The following ELFN2 variants were observed in gnomAD, a reference collection of about 807,000 sequenced individuals.
ELFN2 encodes extracellular leucine rich repeat and fibronectin type III domain containing 2, also known as protein phosphatase 1 regulatory subunit 29.
ELFN2 carries 17 observed loss-of-function variants against 45.5 expected under a neutral mutation model. That is an observed-to-expected ratio of 0.37 (90% CI 0.26 to 0.56). ELFN2 has a LOEUF of 0.56. Among genes scored for constraint, ELFN2 ranks in the 20% least tolerant of loss-of-function variants. The probability of loss-of-function intolerance (pLI) is 0.77; values close to 1 mark genes in which losing one functional copy is unlikely to be tolerated. For missense variants in ELFN2, 922 were observed against 1,183.2 expected (o/e 0.78, Z 3.24); for synonymous variants, 550 against 551.5 (o/e 1.00, Z 0.04).
intron 1 of ELFN2, chr22:37,419,078 A>G (rs1340387133): frequency 2.0e-5 from 3 of 149,534 alleles, no homozygotes; most frequent in African/African-American, 7.4e-5. Context: ...CGGCATTGCC[A>G]TTCACAAACA....
chr22:37,343,094 G>C (rs954651319), intron 1 of ELFN2, among the ~76,000 whole-genome samples: 6 of 152,144 alleles, frequency 3.9e-5, no homozygotes, highest in Admixed American at 6.5e-5. Context: ...ATTTCACAGA[G>C]AGACTGAGGC....
chr22:37,361,098 G>A (rs1397802677), intron 1 of ELFN2, among the ~76,000 whole-genome samples: 2 of 152,152 alleles, frequency 1.3e-5, no homozygotes, highest in Non-Finnish European at 2.9e-5. Context: ...GCTCCCCAGA[G>A]ACAGAGGTGC....
Position 37,421,333 on chromosome 22 carries a change from C to T in ELFN2, c.-613-3414G>A, listed in dbSNP as rs545710953. ...AAACAAGATAACAGAGAGCGCCTTG[C>T]CCGATGCCTGGCACATAGCAGGTGC... On this transcript the variant is annotated intron_variant, in intron 1 of 2. Transcript: ENST00000402918. 2.0e-5 allele frequency among the ~76,000 whole-genome samples: 3 copies of T among 152,340 alleles called. No homozygotes were observed. The East Asian group carries it at 5.8e-4, about 29-fold the overall frequency.
rs559440222 is a variant in ELFN2 at position 37,350,659 on chromosome 22, G to A, written n.149-7956C>T. On this transcript the variant is annotated intron_variant and non_coding_transcript_variant, in intron 1 of 2. Coordinates refer to ENST00000452946, the Ensembl canonical transcript of ELFN2. ...CAGAGCCCCCAGTACTGTCATTAGC[G>A]CTGATTACTCCCATCAGCACCCCAG... Among the ~76,000 whole-genome samples, 50 of 150,748 alleles carry A rather than the reference G, an allele frequency of 3.3e-4. No homozygotes were observed. The East Asian group carries it at 6.8e-3, about 20-fold the overall frequency.
intron 2 of ELFN2, among the ~76,000 whole-genome samples, chr22:37,407,346 C>T (rs541802361): frequency 2.0e-5 from 3 of 152,284 alleles, no homozygotes; most frequent in African/African-American, 4.8e-5. Context: ...TCAACAAATG[C>T]TTGTTGAACA....
chr22:37,377,178 T>C (rs1171012975), intron 2 of ELFN2, among the ~76,000 whole-genome samples: 1 of 152,226 alleles, frequency 6.6e-6, no homozygotes, highest in Admixed American at 6.5e-5. Context: ...GCAGACCATC[T>C]GCATCAACCC....
intron 1 of ELFN2, among the ~76,000 whole-genome samples, chr22:37,419,529 G>A (rs1301700840): frequency 6.6e-6 from 1 of 151,874 alleles, no homozygotes; most frequent in Non-Finnish European, 1.5e-5. Context: ...CAACACGCAG[G>A]CCCACGCTGG....
Position 37,348,990 on chromosome 22 carries a change from G to A in ELFN2, n.149-6287C>T, listed in dbSNP as rs140554786. ...CCCACAGGCTGGTTTCCCATCTGCT[G>A]AGCGTTTAGTGCATGCTGGGCGCTT... On this transcript the variant is annotated intron_variant and non_coding_transcript_variant, in intron 1 of 2. Transcript: ENST00000452946. Among the ~76,000 whole-genome samples the A allele has an allele frequency of 1.9e-4, 28 of 151,240 alleles. No individual in the cohort carries two copies. In the East Asian group the frequency reaches 5.4e-3, roughly 29 times the overall value.
chr22:37,352,318 G>A (rs1391565694), intron 1 of ELFN2: 2 of 151,066 alleles, frequency 1.3e-5, no homozygotes, highest in African/African-American at 4.8e-5. Context: ...AATCCCAGAG[G>A]TGACTCCAGC....
chr22:37,401,066 T>A (rs895930002), intron 2 of ELFN2, among the ~76,000 whole-genome samples: 8 of 152,132 alleles, frequency 5.3e-5, no homozygotes, highest in Admixed American at 1.3e-4. Context: ...AGGGAGTCAG[T>A]CAAACAGGGT....
At chr22:37,361,057 T>C (rs1285097441) in intron 1 of ELFN2, among the ~76,000 whole-genome samples, 1 of 152,116 alleles carries the variant, frequency 6.6e-6, no homozygotes, top group Non-Finnish European at 1.5e-5. Flanking sequence ...AGGACCGTTA[T>C]AAACAGCTAA....
At position 37,373,215 on chromosome 22, in the gene ELFN2, G is replaced by A. The variant is rs369540331; in HGVS notation, c.2320C>T (p.Arg774Trp). 10 of 1,613,684 alleles carry A rather than the reference G, an allele frequency of 6.2e-6. No homozygotes were observed. Among genetic ancestry groups the A allele is most frequent in the East Asian group, 2.2e-5 (1 of 44,896 alleles). Residue 774 changes from arginine (R) to tryptophan (W), a missense_variant, in exon 3 of 3, where the codon CGG (arginine) becomes TGG (tryptophan). Arg to Trp is a moderately radical substitution (Grantham distance 101). Around this residue, in one of 2 missense-constraint regions of ELFN2, gnomAD observed 564 missense variants for 642.8 expected, o/e 0.88. Coordinates refer to ENST00000402918, the MANE Select transcript of ELFN2 (RefSeq NM_052906.5). ...TCCCGGTGGTGCTTCTTGTAGGGCC[G>A]GAAGCGCTCCCAGATCTTGTGCGTG... ...ESTHKIWERF[R>W]PYKKHHREEV...
Position 37,375,073 on chromosome 22 carries a change from G to A in ELFN2, c.462C>T (p.Ile154=). 6.2e-7 allele frequency: 1 copy of A among 1,613,694 alleles called. No individual in the cohort carries two copies. Among genetic ancestry groups the A allele is most frequent in the East Asian group, 2.2e-5 (1 of 44,872 alleles). The change falls in exon 3 of 3, where the codon ATC becomes ATT. Residue 154 remains isoleucine (I), a synonymous_variant. Coordinates refer to ENST00000402918, the MANE Select transcript of ELFN2 (RefSeq NM_052906.5). ...GGCGGTTGGAGGACAGGTCGATGCT[G>A]ATGAGGCTCGGGCACTCGGAGAAGG... The part of the protein sequence containing the change: ...PTAFSECPSL[I]SIDLSSNRLS...
intron 2 of ELFN2, among the ~76,000 whole-genome samples, chr22:37,342,295 C>G (rs1930576425): frequency 6.6e-6 from 1 of 152,196 alleles, no homozygotes; most frequent in Non-Finnish European, 1.5e-5. Flanking sequence ...AGCATTTCAG[C>G]CCTCCAGAAT....
chr22:37,398,870 C>T (rs539204619), intron 2 of ELFN2, among the ~76,000 whole-genome samples: 4 of 152,224 alleles, frequency 2.6e-5, no homozygotes, highest in African/African-American at 7.2e-5. Context: ...CTGCCTTACC[C>T]ACCTTCCCAC....
chr22:37,396,109 C>A (rs762201047), intron 2 of ELFN2, among the ~76,000 whole-genome samples: 1 of 152,174 alleles, frequency 6.6e-6, no homozygotes, highest in Non-Finnish European at 1.5e-5. Flanking sequence ...TCAGGCACAC[C>A]GTGGAAAACA....
intron 1 of ELFN2, among the ~76,000 whole-genome samples, chr22:37,422,903 G>A (rs1021800655): frequency 2.9e-5 from 4 of 139,392 alleles, no homozygotes; most frequent in Admixed American, 7.8e-5. Flanking sequence ...CCAAGAATTC[G>A]GTACTTTTGT....
In ELFN2 at chr22:37,395,315, A is replaced by G. The variant is rs188766179; in HGVS notation, c.-462-19319T>C. Among the ~76,000 whole-genome samples, 472 of 152,194 alleles carry G rather than the reference A, an allele frequency of 3.1e-3. 3 individuals carry two copies. The highest frequency in any genetic ancestry group is 5.2e-3 in the Non-Finnish European group (353 of 67,994). On this transcript the variant is annotated intron_variant, in intron 2 of 2. Coordinates refer to ENST00000402918, the MANE Select transcript of ELFN2 (RefSeq NM_052906.5). ...TCCTAGAAGTAGTCAAGGAGCATCAATCGAGTGCCGACCACACGCCAGACC... is the reference window on the plus strand; with the variant it reads ...TCCTAGAAGTAGTCAAGGAGCATCAGTCGAGTGCCGACCACACGCCAGACC...
Position 37,375,262 on chromosome 22 carries a change from G to A in ELFN2, c.273C>T (p.Ile91=), listed in dbSNP as rs912118657. 1.9e-6 allele frequency: 3 copies of A among 1,614,146 alleles called. No individual in the cohort carries two copies. The highest frequency in any genetic ancestry group is 1.7e-5 in the Admixed American group (1 of 60,026). The change falls in exon 3 of 3, where the codon ATC becomes ATT. Residue 91 remains isoleucine (I), a synonymous_variant. Coordinates refer to ENST00000402918, the MANE Select transcript of ELFN2 (RefSeq NM_052906.5). ...LTDLNLTKNE[I]SYIEDGAFLG... is the part of the protein sequence containing the mutation. ...GGAAGGCACCGTCCTCGATGTAGGA[G>A]ATCTCGTTCTTGGTGAGGTTGAGGT...
Sources: allele counts gnomAD v4.1 joint callset (sites outside exome capture counted in the v4.1 genomes callset), GRCh38; gene constraint gnomAD v4.1.1; regional missense constraint gnomAD v4.1.1; transcripts MANE v1.5; gene names NCBI Gene and HGNC (gene_info 2026-07-23, HGNC 2026-07-21).